The following DST variants were observed in gnomAD, a reference collection of about 807,000 sequenced individuals.
DST encodes dystonin, also known as bullous pemphigoid antigen.
Under a neutral mutation model 875.2 loss-of-function variants are expected in DST, and 253 were observed. That is an observed-to-expected ratio of 0.29 (90% CI 0.26 to 0.32). The LOEUF is 0.32. DST is among the 10% of genes least tolerant of loss of function. The pLI is 1.00. For synonymous variants in DST, 3,124 were observed against 3,197.1 expected, an observed-to-expected ratio of 0.98 and a Z score of 0.77; for missense variants, 8,287 against 9,111.6, an observed-to-expected ratio of 0.91 and a Z score of 3.68.
Position 56,618,272 on chromosome 6 carries a change from A to G in DST, c.4930-3788T>C, listed in dbSNP as rs777300713. The G allele has an allele frequency of 9.3e-6, 15 of 1,613,810 alleles. No homozygotes were observed. Among genetic ancestry groups the G allele is most frequent in the Non-Finnish European group, 1.1e-5 (13 of 1,179,944 alleles). ...AACCCGATGCTGCCACTTCTCTTCC[A>G]ATGGCTGTGGTTCTTGAGTCCATCT... On this transcript the variant is annotated intron_variant, in intron 36 of 103. Coordinates refer to ENST00000680361, the MANE Select transcript of DST (RefSeq NM_001374736.1).
chr6:56,801,805 G>A (rs931100783), intron 4 of DST, among the ~76,000 whole-genome samples: 2 of 148,676 alleles, frequency 1.3e-5, no homozygotes, highest in Non-Finnish European at 3.0e-5. Context: ...GCCGGAGCGC[G>A]ATGGTATGAT....
chr6:56,593,489 C>T (rs1044900091), intron 48 of DST, among the ~76,000 whole-genome samples, 174 bp downstream of exon 48: 13 of 130,968 alleles, frequency 9.9e-5, no homozygotes, highest in African/African-American at 4.1e-4. Flanking sequence ...TGCACTCCAG[C>T]CTGGGCGACA....
intron 2 of DST, among the ~76,000 whole-genome samples, chr6:56,942,648 C>T (rs1817198348): frequency 1.3e-5 from 2 of 151,620 alleles, no homozygotes; most frequent in African/African-American, 2.4e-5. Context: ...ATTTTATACA[C>T]CCCACAGGAC....
intron 3 of DST, among the ~76,000 whole-genome samples, chr6:56,870,521 G>A (rs1027841592): frequency 2.0e-5 from 3 of 151,330 alleles, no homozygotes; most frequent in Non-Finnish European, 4.4e-5. Flanking sequence ...CCAGCATTTT[G>A]GGAGACCGAG....
intron 37 of DST, among the ~76,000 whole-genome samples, chr6:56,611,883 G>A (rs1429272502): frequency 2.6e-5 from 4 of 152,136 alleles, no homozygotes; most frequent in Admixed American, 2.6e-4. Flanking sequence ...GTGGATAAAG[G>A]TGGCCTCCAC....
intron 4 of DST, among the ~76,000 whole-genome samples, chr6:56,829,103 GA>G (rs961071919): frequency 6.6e-6 from 1 of 152,104 alleles, no homozygotes; most frequent in African/African-American, 2.4e-5. Context: ...AAAGTACTAT[GA>G]AAAAAATCTT....
intron 4 of DST, among the ~76,000 whole-genome samples, chr6:56,794,161 G>A (rs907365608): frequency 6.6e-6 from 1 of 152,224 alleles, no homozygotes; most frequent in Non-Finnish European, 1.5e-5. Flanking sequence ...ATGAGTTACT[G>A]CTACGCTTCT....
intron 9 of DST, among the ~76,000 whole-genome samples, chr6:56,678,508 T>C (rs963546581): frequency 2.6e-5 from 4 of 152,232 alleles, no homozygotes; most frequent in African/African-American, 4.8e-5. Context: ...TAACAAAAGA[T>C]AGATTAACTA....
Position 56,607,009 on chromosome 6 carries a change from C to T in DST, c.7619G>A (p.Gly2540Asp), listed in dbSNP as rs2152711738. The T allele has an allele frequency of 6.2e-7, 1 of 1,613,432 alleles. No homozygotes were observed. Among genetic ancestry groups the T allele is most frequent in the African/African-American group, 1.3e-5 (1 of 75,000 alleles). ...CTTGTCTTCAGGCATCTGCTGAAAA[C>T]CTGGATGTGTTTTTTCATCCTCACC... ...TSGEDEKTHP[G>D]FQQMPEDKED... The change falls in exon 40 of 104, where the codon GGT becomes GAT. Residue 2540 changes from glycine to aspartate, a missense_variant. By Grantham distance (94) the Gly-to-Asp change is moderately conservative (BLOSUM62 -1). This residue lies in a region of DST where 3,138 missense variants were observed against 3,116.6 expected (regional missense o/e 1.01). Transcript: ENST00000680361.
At chr6:56,578,483 G>A (rs1054140408) in intron 50 of DST, among the ~76,000 whole-genome samples, 8 of 152,146 alleles carry the variant, frequency 5.3e-5, no homozygotes, top group African/African-American at 1.7e-4. Flanking sequence ...TAAGTTGAAG[G>A]CCTAACTCTG....
chr6:56,810,371 C>T (rs2099758449), intron 4 of DST, among the ~76,000 whole-genome samples: 1 of 152,116 alleles, frequency 6.6e-6, no homozygotes, highest in Non-Finnish European at 1.5e-5. Flanking sequence ...GAAATGGCAG[C>T]ATTTTATAGT....
At chr6:56,877,418 T>C (rs1056539552) in intron 3 of DST, among the ~76,000 whole-genome samples, 2 of 152,154 alleles carry the variant, frequency 1.3e-5, no homozygotes, top group East Asian at 3.8e-4. Flanking sequence ...TAGCCGGGCA[T>C]GGTGGCAGGC....
chr6:56,824,040 G>C (rs946195750), intron 4 of DST, among the ~76,000 whole-genome samples: 24 of 151,956 alleles, frequency 1.6e-4, no homozygotes, highest in Non-Finnish European at 3.1e-4. Context: ...CTCTTTCCAC[G>C]GTCTCCCTCT....
At chr6:56,501,974 A>G (rs1162078124) in intron 78 of DST, among the ~76,000 whole-genome samples, 2 of 152,166 alleles carry the variant, frequency 1.3e-5, no homozygotes, top group East Asian at 3.8e-4. Context: ...AATAAATTTC[A>G]AGGCTGAACT....
chr6:56,494,363 C>T (rs901497337), intron 82 of DST, among the ~76,000 whole-genome samples, 183 bp from the exon 83 acceptor site: 21 of 152,018 alleles, frequency 1.4e-4, no homozygotes, highest in African/African-American at 4.8e-4. Flanking sequence ...ACAGTCATAC[C>T]CTGTCTACTG....
At chr6:56,476,383 AAAT>A (rs2095189303) in intron 91 of DST, 46 bp from the exon 92 acceptor site, 1 of 1,440,498 alleles carries the variant, frequency 6.9e-7, no homozygotes, top group Admixed American at 2.5e-5. Flanking sequence ...CAACTTAGTA[AAAT>A]AATTGCAGTG....
At chr6:56,800,705 T>C (rs575268921) in intron 4 of DST, among the ~76,000 whole-genome samples, 6 of 151,770 alleles carry the variant, frequency 4.0e-5, no homozygotes, top group African/African-American at 1.4e-4. Flanking sequence ...TGATAAAAAA[T>C]AAAAACAAAA....
At chr6:56,897,434 G>A (rs533526849) in intron 3 of DST, among the ~76,000 whole-genome samples, 9 of 152,058 alleles carry the variant, frequency 5.9e-5, no homozygotes, top group African/African-American at 1.2e-4. Context: ...TGGTTCAAGC[G>A]ATTATCCTGC....
chr6:56,607,563 A>G lies in DST; in HGVS notation c.7065T>C (p.Ile2355=). Residue 2355 remains isoleucine (I), a synonymous_variant, in exon 40 of 104, where the codon ATT becomes ATC. Coordinates refer to ENST00000680361, the MANE Select transcript of DST (RefSeq NM_001374736.1). ...TTTCAGAGTCACTTCTAAGCATGCT[A>G]ATGTCTGCAAGTTCAGTCTGTGTTA... is the stretch of plus-strand genomic sequence containing the variant. ...SYLTQTELAD[I]SMLRSDSENI... is the part of the protein sequence containing the mutation. 1.2e-6 allele frequency: 2 copies of G among 1,611,506 alleles called. No homozygotes were observed. The highest frequency in any genetic ancestry group is 1.6e-4 in the Middle Eastern group (1 of 6,062).
Sources: gnomAD v4.1 joint callset for allele counts (sites outside exome capture counted in the v4.1 genomes callset) on GRCh38, gnomAD v4.1.1 for gene constraint, gnomAD v4.1.1 regional missense constraint, MANE v1.5 for transcripts, NCBI Gene and HGNC (gene_info 2026-07-23, HGNC 2026-07-21) for gene names.